The following MSL1 variants were observed in gnomAD, a reference collection of about 807,000 sequenced individuals.
MSL1 encodes the protein MSL complex subunit 1, also known as male-specific lethal 1 homolog.
Under a neutral mutation model 64.6 loss-of-function variants are expected in MSL1, and 21 were observed. The observed-to-expected ratio is 0.33, with a 90% CI of 0.23 to 0.47. The LOEUF (loss-of-function observed/expected upper bound fraction) is 0.47. Ranked by LOEUF, MSL1 falls within the 20% of genes least tolerant of loss-of-function variation. MSL1 has a pLI of 1.00. For missense variants in MSL1, 664 were observed against 793.2 expected (o/e 0.84, Z 1.96); for synonymous variants, 339 against 329.6 (o/e 1.03, Z -0.31).
In MSL1 at chr17:40,123,209, G is replaced by C. The variant is rs1988232696; in HGVS notation, c.597G>C (p.Trp199Cys). 6.5e-7 allele frequency: 1 copy of C among 1,535,630 alleles called. No homozygotes were observed. ...CCCTGGCGGCCAGCGAGGGCAGATG[G>C]AAGAGTATGAGGAAGAGCCCTCTCG... ...AGTLAASEGR[W>C]KSMRKSPLGG... The change falls in exon 1 of 9, where the codon TGG becomes TGC. Residue 199 changes from tryptophan (W) to cysteine (C), a missense_variant. Trp to Cys is a radical substitution (Grantham distance 215, BLOSUM62 -2). Around this residue, in one of 4 missense-constraint regions of MSL1, gnomAD observed 466 missense variants for 499.0 expected, o/e 0.93. Transcript: ENST00000398532.
chr17:40,122,812 C>T lies in MSL1; in HGVS notation c.200C>T (p.Pro67Leu). ...CTGGCCTCCTCCCAGGGCGGGAGCC[C>T]CGCGCCTTCCCCGGCCGGCTGCGGC... ...PPLASSQGGS[P>L]APSPAGCGGK... The change falls in exon 1 of 9, where the codon CCC becomes CTC. Residue 67 changes from proline to leucine, a missense_variant. Physicochemically the swap from Pro to Leu is moderately conservative, Grantham distance 98. This residue lies in a region of MSL1 where 466 missense variants were observed against 499.0 expected (regional missense o/e 0.93). Transcript: ENST00000398532. This position sits in a 1 kb window ranked among gnomAD's most constrained non-coding sequence, Gnocchi z 4.2. The T allele has an allele frequency of 7.3e-7, 1 of 1,370,430 alleles. No individual in the cohort carries two copies. The highest frequency in any genetic ancestry group is 3.0e-5 in the East Asian group (1 of 32,894). 84.9% of individuals were successfully genotyped at this position (1,370,430 alleles called of 1,614,324 possible).
At position 40,122,810 on chromosome 17, in the gene MSL1, C is replaced by T; in HGVS notation, c.198C>T (p.Ser66=). 7.3e-7 allele frequency: 1 copy of T among 1,371,260 alleles called. No homozygotes were observed. The highest frequency in any genetic ancestry group is 9.3e-7 in the Non-Finnish European group (1 of 1,071,070). The allele number at this position is 1,371,260 out of a possible 1,614,324, so 84.9% of individuals were successfully genotyped here. The part of the protein sequence containing the change: ...GPPLASSQGG[S]PAPSPAGCGG... ...CGCTGGCCTCCTCCCAGGGCGGGAG[C>T]CCCGCGCCTTCCCCGGCCGGCTGCG... The change falls in exon 1 of 9, where the codon AGC becomes AGT. Residue 66 remains serine, a synonymous_variant. Transcript: ENST00000398532. This position sits in a 1 kb window ranked among gnomAD's most constrained non-coding sequence, Gnocchi z 4.2.
At chr17:40,126,446 A>C in intron 2 of MSL1, 40 bp downstream of exon 2, 1 of 1,528,572 alleles carries the variant, frequency 6.5e-7, no homozygotes, top group Non-Finnish European at 9.1e-7. Flanking sequence ...CCTTGTTACC[A>C]GTGATTGAGA....
At position 40,122,867 on chromosome 17, in the gene MSL1, C is replaced by T. The variant is rs931716220; in HGVS notation, c.255C>T (p.Ala85=). 11 of 1,393,092 alleles carry T rather than the reference C, an allele frequency of 7.9e-6. No homozygotes were observed. The highest frequency in any genetic ancestry group is 3.0e-5 in the East Asian group (1 of 33,684). 86.3% of individuals were successfully genotyped at this position (1,393,092 alleles called of 1,614,324 possible). A position where few individuals can be genotyped will look rare whatever the true frequency, so the allele number is the denominator to read the frequency against. ...GGKGRGLLLP[A]GAAPGQQEES... ...AGGGCCGGGGCTTGTTACTCCCGGC[C>T]GGGGCGGCCCCCGGGCAGCAGGAAG... is the stretch of plus-strand genomic sequence containing the variant. Residue 85 remains alanine, a synonymous_variant, in exon 1 of 9, where the codon GCC becomes GCT. Transcript: ENST00000398532. This position sits in a 1 kb window ranked among gnomAD's most constrained non-coding sequence, Gnocchi z 4.2.
chr17:40,136,885 A>C lies in MSL1; in HGVS notation c.*2516A>C, dbSNP rs927609189. 1 of 152,362 alleles carries C rather than the reference A, an allele frequency of 6.6e-6. No individual in the cohort carries two copies. 9.4% of individuals were successfully genotyped at this position (152,362 alleles called of 1,614,324 possible). ...TTGGAAAAAGAAATCCATTTTCTCA[A>C]TAAAAAAGAATAACACATTATTTTC... is the stretch of plus-strand genomic sequence containing the variant. On this transcript the variant is annotated 3_prime_UTR_variant, in exon 9 of 9. Transcript: ENST00000398532.
chr17:40,133,282 C>T (rs1156879656), intron 6 of MSL1, 173 bp downstream of exon 6: 15 of 745,388 alleles, frequency 2.0e-5, no homozygotes, highest in Admixed American at 5.8e-5. Context: ...GTAGTTGTTG[C>T]GGTAAACATG....
Position 40,122,813 on chromosome 17 carries a change from C to G in MSL1, c.201C>G (p.Pro67=). 10 of 1,370,468 alleles carry G rather than the reference C, an allele frequency of 7.3e-6. No individual in the cohort carries two copies. The highest frequency in any genetic ancestry group is 9.3e-6 in the Non-Finnish European group (10 of 1,070,430). 84.9% of individuals were successfully genotyped at this position (1,370,468 alleles called of 1,614,324 possible). A position where few individuals can be genotyped will look rare whatever the true frequency, so the allele number is the denominator to read the frequency against. The change falls in exon 1 of 9, where the codon CCC becomes CCG. Residue 67 remains proline (P), a synonymous_variant. Coordinates refer to ENST00000398532, the MANE Select transcript of MSL1 (RefSeq NM_001365919.1). This position sits in a 1 kb window ranked among gnomAD's most constrained non-coding sequence, Gnocchi z 4.2. ...TGGCCTCCTCCCAGGGCGGGAGCCCCGCGCCTTCCCCGGCCGGCTGCGGCG... is the reference window on the plus strand; with the variant it reads ...TGGCCTCCTCCCAGGGCGGGAGCCCGGCGCCTTCCCCGGCCGGCTGCGGCG... ...PPLASSQGGS[P]APSPAGCGGK...
At chr17:40,134,028 T>A in intron 8 of MSL1, 129 bp downstream of exon 8, 1 of 819,824 alleles carries the variant, frequency 1.2e-6, no homozygotes, top group African/African-American at 1.7e-5. Flanking sequence ...GAAATGAGGC[T>A]ACCTGGGCAA....
rs533214487 is a variant in MSL1, at chr17:40,122,807, G to A, written c.195G>A (p.Gly65=). The A allele has an allele frequency of 1.5e-5, 21 of 1,372,250 alleles. No homozygotes were observed. In the South Asian group the frequency reaches 2.5e-4, roughly 17 times the overall value. 85.0% of individuals were successfully genotyped at this position (1,372,250 alleles called of 1,614,324 possible). ...PGPPLASSQG[G]SPAPSPAGCG... ...CCCCGCTGGCCTCCTCCCAGGGCGG[G>A]AGCCCCGCGCCTTCCCCGGCCGGCT... Residue 65 remains glycine, a synonymous_variant, in exon 1 of 9, where the codon GGG becomes GGA. Transcript: ENST00000398532. This position sits in a 1 kb window ranked among gnomAD's most constrained non-coding sequence, Gnocchi z 4.2.
intron 3 of MSL1, chr17:40,130,126 T>G (rs1418421396): frequency 6.5e-6 from 1 of 152,886 alleles, no homozygotes; most frequent in East Asian, 1.9e-4. Flanking sequence ...ATATAAACAT[T>G]TATCTGTATA....
chr17:40,126,176 C>T lies in MSL1; in HGVS notation c.769-7C>T, dbSNP rs202119505. On this transcript the variant is annotated splice_region_variant and splice_polypyrimidine_tract_variant and intron_variant, in intron 1 of 8. Transcript: ENST00000398532. ...TTAAGTCTGCATTTTGCTACTCTCT[C>T]TTTTAGCTCCTTGCTCGGATTGAAC... is the stretch of plus-strand genomic sequence containing the variant. The T allele has an allele frequency of 1.5e-4, 248 of 1,613,694 alleles. No homozygotes were observed. In the African/African-American group the frequency reaches 3.0e-3, roughly 19 times the overall value.
chr17:40,131,464 C>G lies in MSL1; in HGVS notation c.1376-73C>G. On this transcript the variant is annotated intron_variant, in intron 3 of 8. Coordinates refer to ENST00000398532, the MANE Select transcript of MSL1 (RefSeq NM_001365919.1). The surrounding 1 kb of genome is among the most constrained non-coding windows in gnomAD (Gnocchi z 4.5). ...TCCTAGTGAGAACTTCAGTGATGAT[C>G]CTTTCCTCCATTTGGGGTATGGGCT... 7.3e-7 allele frequency: 1 copy of G among 1,377,464 alleles called. No individual in the cohort carries two copies. The highest frequency in any genetic ancestry group is 1.2e-5 in the South Asian group (1 of 85,142). The allele number at this position is 1,377,464 out of a possible 1,614,324, so 85.3% of individuals were successfully genotyped here. A position where few individuals can be genotyped will look rare whatever the true frequency, so the allele number is the denominator to read the frequency against.
chr17:40,133,779 T>G (rs376914100), intron 7 of MSL1, 48 bp from the exon 8 acceptor site: 3 of 1,611,242 alleles, frequency 1.9e-6, no homozygotes, highest in Non-Finnish European at 2.5e-6. Flanking sequence ...CTTCTAGACA[T>G]TTCCCATCTG....
At position 40,129,335 on chromosome 17, in the gene MSL1, C is replaced by T. The variant is rs762692772; in HGVS notation, c.1083C>T (p.His361=). Residue 361 remains histidine, a synonymous_variant, in exon 3 of 9, where the codon CAC becomes CAT. Coordinates refer to ENST00000398532, the MANE Select transcript of MSL1 (RefSeq NM_001365919.1). ...AAGTCAAAACAAAAACTCCTAAGCA[C>T]TCTCCTATTAAAGAGGAACCCTGTG... The part of the protein sequence containing the change: ...FSKVKTKTPK[H]SPIKEEPCGS... 6.2e-7 allele frequency: 1 copy of T among 1,610,194 alleles called. No homozygotes were observed. Among genetic ancestry groups the T allele is most frequent in the Non-Finnish European group, 8.5e-7 (1 of 1,178,948 alleles).
Position 40,123,117 on chromosome 17 carries a change from C to T in MSL1, c.505C>T (p.Pro169Ser), listed in dbSNP as rs1232066704. Reference sequence around the variant, plus strand: ...CTCCCCCGCTGCCACCGCCTCGGACCCGGCGGGACCCCCACCACTACCTCT... The same window carrying T: ...CTCCCCCGCTGCCACCGCCTCGGACTCGGCGGGACCCCCACCACTACCTCT... ...AASPAATASD[P>S]AGPPPLPLPG... Residue 169 changes from proline (P) to serine (S), a missense_variant, in exon 1 of 9, where the codon CCG (proline) becomes TCG (serine). This residue lies in a region of MSL1 where 466 missense variants were observed against 499.0 expected (regional missense o/e 0.93). Coordinates refer to ENST00000398532, the MANE Select transcript of MSL1 (RefSeq NM_001365919.1). The T allele has an allele frequency of 5.2e-6, 8 of 1,531,274 alleles. No homozygotes were observed. The highest frequency in any genetic ancestry group is 4.1e-5 in the African/African-American group (3 of 72,764). The allele number at this position is 1,531,274 out of a possible 1,614,324, so 94.9% of individuals were successfully genotyped here.
Position 40,123,082 on chromosome 17 carries a change from G to T in MSL1, c.470G>T (p.Gly157Val). The change falls in exon 1 of 9, where the codon GGT becomes GTT. Residue 157 changes from glycine to valine, a missense_variant. By Grantham distance (109) the Gly-to-Val change is moderately radical. Around this residue, in one of 4 missense-constraint regions of MSL1, gnomAD observed 466 missense variants for 499.0 expected, o/e 0.93. Coordinates refer to ENST00000398532, the MANE Select transcript of MSL1 (RefSeq NM_001365919.1). ...CCTACGCCCTGGGCTGGGGACAAGGGTGGGGCGGCCTCCCCCGCTGCCACC... is the reference window on the plus strand; with the variant it reads ...CCTACGCCCTGGGCTGGGGACAAGGTTGGGGCGGCCTCCCCCGCTGCCACC... The part of the protein sequence containing the change: ...KEPTPWAGDK[G>V]GAASPAATAS... The T allele has an allele frequency of 6.5e-7, 1 of 1,530,284 alleles. No homozygotes were observed. Among genetic ancestry groups the T allele is most frequent in the African/African-American group, 1.4e-5 (1 of 72,724 alleles). 94.8% of individuals were successfully genotyped at this position (1,530,284 alleles called of 1,614,324 possible).
In MSL1 at chr17:40,133,405, T is replaced by A. The variant is rs1251809978; in HGVS notation, c.1557-129T>A. 1.2e-5 allele frequency: 14 copies of A among 1,197,404 alleles called. No individual in the cohort carries two copies. The Admixed American group carries it at 3.9e-4, about 34-fold the overall frequency. The allele number at this position is 1,197,404 out of a possible 1,614,324, so 74.2% of individuals were successfully genotyped here. A position where few individuals can be genotyped will look rare whatever the true frequency, so the allele number is the denominator to read the frequency against. ...TCCCTTAACAAGGCAGTCATTTCTC[T>A]TTACCCTGTCTAGAGGAGTCAGCAA... On this transcript the variant is annotated intron_variant, in intron 6 of 8. Coordinates refer to ENST00000398532, the MANE Select transcript of MSL1 (RefSeq NM_001365919.1).
At chr17:40,126,623 A>G in intron 2 of MSL1, 1 of 518,614 alleles carries the variant, frequency 1.9e-6, no homozygotes, top group Non-Finnish European at 3.4e-6. Flanking sequence ...CCTGGCCAAC[A>G]TTTTGAAACC....
Position 40,122,066 on chromosome 17 carries a change from G to A in MSL1, c.-547G>A, listed in dbSNP as rs1419407295. 1.3e-5 allele frequency among the ~76,000 whole-genome samples: 2 copies of A among 151,602 alleles called. No individual in the cohort carries two copies. Among genetic ancestry groups the A allele is most frequent in the African/African-American group, 4.8e-5 (2 of 41,302 alleles). ...GCTGAGGCGCCGGGGGTGACTGTGG[G>A]GGAGGGGGACCCCGAGCCGCGGAGA... On this transcript the variant is annotated 5_prime_UTR_variant, in exon 1 of 9. Coordinates refer to ENST00000398532, the MANE Select transcript of MSL1 (RefSeq NM_001365919.1). The surrounding 1 kb of genome is among the most constrained non-coding windows in gnomAD (Gnocchi z 4.2).
Sources: gnomAD v4.1 joint callset for allele counts (sites outside exome capture counted in the v4.1 genomes callset) on GRCh38, gnomAD v4.1.1 for gene constraint, gnomAD v4.1.1 regional missense constraint, Gnocchi (gnomAD v3.1) non-coding constraint, MANE v1.5 for transcripts, NCBI Gene and HGNC (gene_info 2026-07-23, HGNC 2026-07-21) for gene names.